ZNF710: variants seen among roughly 807,000 people sequenced by gnomAD.
ZNF710 encodes zinc finger protein 710.
ZNF710 carries 13 observed loss-of-function variants against 50.6 expected under a neutral mutation model. That is an observed-to-expected ratio of 0.26 (90% CI 0.17 to 0.41). The LOEUF is 0.41. Ranked by LOEUF, ZNF710 falls within the 10% of genes least tolerant of loss-of-function variation. ZNF710 has a pLI of 1.00. For synonymous variants in ZNF710, 383 were observed against 397.0 expected, an observed-to-expected ratio of 0.96 and a Z score of 0.42; for missense variants, 721 against 936.6, an observed-to-expected ratio of 0.77 and a Z score of 3.01.
At chr15:90,076,207 T>C (rs1404300030) in intron 4 of ZNF710, 1 of 152,334 alleles carries the variant, frequency 6.6e-6, no homozygotes, top group South Asian at 2.1e-4. Context: ...TGAGGAATGT[T>C]TTAAATGCTG....
chr15:90,055,611 C>T (rs1048255482), intron 1 of ZNF710, among the ~76,000 whole-genome samples: 3 of 152,222 alleles, frequency 2.0e-5, no homozygotes, highest in African/African-American at 7.2e-5. Context: ...TGACTATTAG[C>T]ATGCTAGGGC....
chr15:90,008,877 C>G (rs1898225037), intron 1 of ZNF710, among the ~76,000 whole-genome samples: 1 of 151,994 alleles, frequency 6.6e-6, no homozygotes, highest in South Asian at 2.1e-4. Flanking sequence ...TCTGGGAGAA[C>G]TAAGAAAACT....
At chr15:90,004,257 G>T (rs1898083839) in intron 1 of ZNF710, among the ~76,000 whole-genome samples, 1 of 152,180 alleles carries the variant, frequency 6.6e-6, no homozygotes, top group Non-Finnish European at 1.5e-5. Flanking sequence ...TCTATTTTAG[G>T]TTTGCCTTGT....
In ZNF710 at chr15:90,010,954, G is replaced by A. The variant is rs1271930218; in HGVS notation, c.-29+9340G>A. Reference sequence around the variant, plus strand: ...TTTTTTTTTTTTTTTTTTTTGAGACGGAGTCTCACTCTGTTGCTCAGGCTG... The same window carrying A: ...TTTTTTTTTTTTTTTTTTTTGAGACAGAGTCTCACTCTGTTGCTCAGGCTG... On this transcript the variant is annotated intron_variant, in intron 1 of 4. Coordinates refer to ENST00000268154, the MANE Select transcript of ZNF710 (RefSeq NM_198526.4). Among the ~76,000 whole-genome samples, 8 of 142,444 alleles carry A rather than the reference G, an allele frequency of 5.6e-5. No homozygotes were observed. In the East Asian group the frequency reaches 1.2e-3, roughly 22 times the overall value. 93.4% of individuals were successfully genotyped at this position (142,444 alleles called of 152,430 possible). A position where few individuals can be genotyped will look rare whatever the true frequency, so the allele number is the denominator to read the frequency against.
intron 1 of ZNF710, among the ~76,000 whole-genome samples, chr15:90,042,281 C>T (rs182132603): frequency 3.2e-4 from 48 of 152,062 alleles, no homozygotes; most frequent in East Asian, 3.9e-4. Flanking sequence ...CCTGTTCCAG[C>T]GAAATAACAG....
chr15:90,074,841 T>C (rs1176944383), intron 4 of ZNF710: 1 of 295,472 alleles, frequency 3.4e-6, no homozygotes, highest in African/African-American at 2.3e-5. Flanking sequence ...GCAAGGGACA[T>C]GCAGAGGGGA....
chr15:90,061,065 G>T (rs887806055), intron 1 of ZNF710, among the ~76,000 whole-genome samples: 18 of 152,204 alleles, frequency 1.2e-4, no homozygotes, highest in African/African-American at 4.1e-4. Context: ...ATTGATCACG[G>T]GTGGTTGGTG....
At chr15:90,000,351 C>T (rs941230711), upstream of ZNF710, among the ~76,000 whole-genome samples, 1 of 152,122 alleles carries the variant, frequency 6.6e-6, no homozygotes, top group Admixed American at 6.5e-5. Context: ...GGCCTGGTGT[C>T]CGGCCTGCGC....
At chr15:90,037,878 G>A (rs904773331) in intron 1 of ZNF710, among the ~76,000 whole-genome samples, 1 of 152,240 alleles carries the variant, frequency 6.6e-6, no homozygotes, top group African/African-American at 2.4e-5. Context: ...TTCCAGAGCT[G>A]TAAGAGACAG....
chr15:90,003,381 AG>A (rs1383471425), intron 1 of ZNF710, among the ~76,000 whole-genome samples: 7 of 152,056 alleles, frequency 4.6e-5, no homozygotes, highest in African/African-American at 9.7e-5. Context: ...ACTCCCCCAC[AG>A]GTGTGCGGAG....
chr15:90,057,389 G>C (rs768243317), intron 1 of ZNF710, among the ~76,000 whole-genome samples: 1 of 151,964 alleles, frequency 6.6e-6, no homozygotes, highest in East Asian at 1.9e-4. Flanking sequence ...GAGAGTATGC[G>C]TCAACTCTTG....
intron 1 of ZNF710, among the ~76,000 whole-genome samples, chr15:90,053,383 C>T (rs529363421): frequency 4.6e-4 from 69 of 151,182 alleles, no homozygotes; most frequent in South Asian, 1.3e-3. Context: ...CGGTCTCACT[C>T]TGTCACCCGG....
intron 1 of ZNF710, among the ~76,000 whole-genome samples, chr15:90,043,520 C>T (rs1899365064): frequency 6.6e-6 from 1 of 152,252 alleles, no homozygotes; most frequent in Non-Finnish European, 1.5e-5. Context: ...GAAGCCTTTA[C>T]AGCAGCTCTT....
upstream of ZNF710, among the ~76,000 whole-genome samples, chr15:90,000,968 C>A (rs1407171998): frequency 1.3e-5 from 2 of 151,870 alleles, no homozygotes; most frequent in Non-Finnish European, 2.9e-5. Context: ...TCTTTGTTCC[C>A]CTTTTCTGCT....
chr15:90,017,367 A>G (rs1253425435), intron 1 of ZNF710, among the ~76,000 whole-genome samples: 1 of 152,192 alleles, frequency 6.6e-6, no homozygotes, highest in African/African-American at 2.4e-5. Flanking sequence ...TTGGCCATAT[A>G]TAATACAAGG....
At chr15:90,001,001 G>A (rs149306517), upstream of ZNF710, among the ~76,000 whole-genome samples, 4,259 of 152,018 alleles carry the variant, frequency 0.028, 80 homozygotes, top group South Asian at 0.083. Context: ...AAAAAAGAGA[G>A]AGAGAGAAAG....
chr15:90,038,016 T>A (rs115178365), intron 1 of ZNF710, among the ~76,000 whole-genome samples: 2,777 of 152,270 alleles, frequency 0.018, 85 homozygotes, highest in African/African-American at 0.062. Context: ...TGTACCAAAG[T>A]GAGTGCTGGG....
At chr15:89,999,008 C>A (rs1343644870), upstream of ZNF710, among the ~76,000 whole-genome samples, 2 of 152,202 alleles carry the variant, frequency 1.3e-5, no homozygotes, top group Non-Finnish European at 2.9e-5. Context: ...TCCTCACTCT[C>A]CCCCCACCCA....
intron 1 of ZNF710, chr15:90,002,557 G>C (rs1287457593): frequency 6.6e-6 from 1 of 152,344 alleles, no homozygotes; most frequent in East Asian, 1.9e-4. Context: ...TACCAGGTGG[G>C]CGCGCGGGCT....
Sources: allele counts gnomAD v4.1 joint callset (sites outside exome capture counted in the v4.1 genomes callset), GRCh38; gene constraint gnomAD v4.1.1; transcripts MANE v1.5; gene names NCBI Gene and HGNC (gene_info 2026-07-23, HGNC 2026-07-21).